SPECC1: variants seen among roughly 807,000 people sequenced by gnomAD.
SPECC1 encodes sperm antigen with calponin homology and coiled-coil domains 1.
SPECC1 carries 62 observed loss-of-function variants against 104.1 expected under a neutral mutation model. The ratio of observed to expected loss-of-function variants is 0.60; its 90% CI spans 0.49 to 0.74. The LOEUF is 0.74. Among genes scored for constraint, SPECC1 ranks in the 30% least tolerant of loss-of-function variants. SPECC1 has a pLI of 0.00. For synonymous variants in SPECC1, 513 were observed against 501.6 expected (o/e 1.02, Z -0.30); for missense variants, 1,306 against 1,310.5 (o/e 1.00, Z 0.05).
chr17:20,180,888 G>A (rs2034836046), intron 3 of SPECC1, among the ~76,000 whole-genome samples: 1 of 152,134 alleles, frequency 6.6e-6, no homozygotes, highest in Admixed American at 6.5e-5. Flanking sequence ...GGTCTAGGGA[G>A]TATTTACAGA....
intron 3 of SPECC1, among the ~76,000 whole-genome samples, chr17:20,165,615 T>A (rs1250131650): frequency 6.6e-6 from 1 of 152,232 alleles, no homozygotes; most frequent in African/African-American, 2.4e-5. Flanking sequence ...TGGTTCTAGG[T>A]CTTTGAGGAA....
At chr17:20,195,161 T>A (rs535546572) in intron 3 of SPECC1, among the ~76,000 whole-genome samples, 1 of 152,284 alleles carries the variant, frequency 6.6e-6, no homozygotes, top group South Asian at 2.1e-4. Flanking sequence ...TGTTACGCTC[T>A]CCAAAGTTAC....
chr17:20,113,105 A>G (rs1208108886), intron 3 of SPECC1: 1 of 675,328 alleles, frequency 1.5e-6, no homozygotes, highest in African/African-American at 1.8e-5. Flanking sequence ...GTTAAAAAAA[A>G]ATTTAGAGGA....
rs1212358147 is a variant in SPECC1 at position 20,315,951 on chromosome 17, T to C, written c.*1886T>C. 8.6e-6 allele frequency: 2 copies of C among 232,668 alleles called. No homozygotes were observed. The highest frequency in any genetic ancestry group is 4.4e-5 in the African/African-American group (2 of 45,340). The allele number at this position is 232,668 out of a possible 1,614,324, so 14.4% of individuals were successfully genotyped here. A position where few individuals can be genotyped will look rare whatever the true frequency, so the allele number is the denominator to read the frequency against. On this transcript the variant is annotated 3_prime_UTR_variant, in exon 15 of 15. Coordinates refer to ENST00000395527, the MANE Select transcript of SPECC1 (RefSeq NM_001243439.2). ...TGCAGTTCACATGTTTTGTAAGTTC[T>C]TTAGGCGACTGAAGCACAGCTGCTT...
chr17:20,292,029 G>T (rs542500521), intron 12 of SPECC1, among the ~76,000 whole-genome samples: 2 of 151,610 alleles, frequency 1.3e-5, no homozygotes, highest in Non-Finnish European at 2.9e-5. Flanking sequence ...TAATGTAAAC[G>T]TCAAAACGGG....
At chr17:20,232,487 G>A (rs2038658040) in intron 7 of SPECC1, 82 bp downstream of exon 7, 1 of 1,436,218 alleles carries the variant, frequency 7.0e-7, no homozygotes, top group South Asian at 1.3e-5. Flanking sequence ...GACTCTTCAT[G>A]TCTGTGCCAG....
At chr17:20,218,294 C>G (rs1011025613) in intron 4 of SPECC1, among the ~76,000 whole-genome samples, 1 of 151,572 alleles carries the variant, frequency 6.6e-6, no homozygotes, top group Non-Finnish European at 1.5e-5. Context: ...CACCCCCCAA[C>G]CCTGCATTGT....
intron 12 of SPECC1, among the ~76,000 whole-genome samples, chr17:20,273,332 G>A (rs911561891): frequency 2.6e-5 from 4 of 152,122 alleles, no homozygotes; most frequent in Non-Finnish European, 4.4e-5. Flanking sequence ...AAAAACATTA[G>A]TGGGGCATGG....
At chr17:20,070,588 A>G (rs2046511832) in intron 1 of SPECC1, among the ~76,000 whole-genome samples, 1 of 152,198 alleles carries the variant, frequency 6.6e-6, no homozygotes, top group African/African-American at 2.4e-5. Flanking sequence ...TGGCTGCATA[A>G]GGCTTAATTA....
intron 3 of SPECC1, chr17:20,185,325 T>G (rs2035191404): frequency 1.3e-5 from 2 of 152,310 alleles, no homozygotes; most frequent in South Asian, 4.1e-4. Flanking sequence ...CTCCTCTGAC[T>G]GCTGAGGCTA....
At chr17:20,150,035 C>T (rs372438929) in intron 3 of SPECC1, among the ~76,000 whole-genome samples, 12 of 151,962 alleles carry the variant, frequency 7.9e-5, no homozygotes, top group Middle Eastern at 3.4e-3. Flanking sequence ...TGCAGAGGTG[C>T]GATCTCGGCT....
chr17:20,174,433 T>C (rs989822725), intron 3 of SPECC1, among the ~76,000 whole-genome samples: 1 of 152,040 alleles, frequency 6.6e-6, no homozygotes, highest in African/African-American at 2.4e-5. Context: ...GTGCAGAGTT[T>C]ATGGGGGTTG....
chr17:20,125,884 CATG>C (rs1289258306), intron 3 of SPECC1, among the ~76,000 whole-genome samples: 2 of 152,196 alleles, frequency 1.3e-5, no homozygotes, highest in African/African-American at 4.8e-5. Flanking sequence ...TGAGGACACA[CATG>C]GTGGTGTCGT....
chr17:20,122,245 C>G (rs2049071227), intron 3 of SPECC1, among the ~76,000 whole-genome samples: 1 of 152,180 alleles, frequency 6.6e-6, no homozygotes, highest in Non-Finnish European at 1.5e-5. Context: ...CACTGGGGAA[C>G]TTTTGCAAGG....
Position 20,214,534 on chromosome 17 carries a change from G to A in SPECC1, c.1863+8622G>A, listed in dbSNP as rs1306594412. Among the ~76,000 whole-genome samples the A allele has an allele frequency of 1.3e-5, 2 of 152,126 alleles. 1 individual carries two copies. The highest frequency in any genetic ancestry group is 2.9e-5 in the Non-Finnish European group (2 of 68,038). On this transcript the variant is annotated intron_variant, in intron 4 of 14. Coordinates refer to ENST00000395527, the MANE Select transcript of SPECC1 (RefSeq NM_001243439.2). ...TTTACTTATTTATTTTTGAGACGGA[G>A]TCTTGCTCTGTTATCCAGGCTGAGT...
At chr17:20,067,859 C>G (rs1056654605) in intron 1 of SPECC1, among the ~76,000 whole-genome samples, 4 of 152,144 alleles carry the variant, frequency 2.6e-5, no homozygotes, top group African/African-American at 9.7e-5. Flanking sequence ...GCAGTTACCA[C>G]CCTTCCATCG....
intron 3 of SPECC1, among the ~76,000 whole-genome samples, chr17:20,160,146 T>C (rs2033000898): frequency 6.6e-6 from 1 of 151,410 alleles, no homozygotes; most frequent in Admixed American, 6.6e-5. Context: ...GTATTAGTTA[T>C]AGTTAATGCT....
chr17:20,230,692 C>T (rs2038519281), intron 5 of SPECC1, among the ~76,000 whole-genome samples: 2 of 152,130 alleles, frequency 1.3e-5, no homozygotes, highest in South Asian at 4.1e-4. Context: ...TGCAAGCCAT[C>T]TTTTGAAAAA....
chr17:20,156,216 G>C (rs749205547), intron 3 of SPECC1: 21 of 1,417,040 alleles, frequency 1.5e-5, no homozygotes, highest in East Asian at 3.0e-5. Context: ...CACTCAGGAC[G>C]GCCCGAGGAT....
Sources: gnomAD v4.1 joint callset for allele counts (sites outside exome capture counted in the v4.1 genomes callset) on GRCh38, gnomAD v4.1.1 for gene constraint, MANE v1.5 for transcripts, NCBI Gene and HGNC (gene_info 2026-07-23, HGNC 2026-07-21) for gene names.